OTOGL: variants seen among roughly 807,000 people sequenced by gnomAD.
OTOGL encodes otogelin-like protein.
In OTOGL, 285 loss-of-function variants were observed where a neutral mutation model predicts 318.5. That is an observed-to-expected ratio of 0.89 (90% CI 0.81 to 0.99). The LOEUF (loss-of-function observed/expected upper bound fraction) is 0.99, where lower values mean the gene tolerates loss of function less well. Ranked by LOEUF, OTOGL falls within the 50% of genes least tolerant of loss-of-function variation. OTOGL has a pLI of 0.00. For synonymous variants in OTOGL, 987 were observed against 936.5 expected, an observed-to-expected ratio of 1.05 and a Z score of -0.99; for missense variants, 2,899 against 2,845.6, an observed-to-expected ratio of 1.02 and a Z score of -0.43.
intron 38 of OTOGL, among the ~76,000 whole-genome samples, 160 bp from the exon 39 acceptor site, chr12:80,335,803 A>G (rs1888354450): frequency 6.6e-6 from 1 of 152,198 alleles, no homozygotes; most frequent in Non-Finnish European, 1.5e-5. Context: ...TAGAAAGGGT[A>G]CATCAATAAA....
intron 22 of OTOGL, among the ~76,000 whole-genome samples, chr12:80,267,725 A>G (rs947121598): frequency 2.6e-5 from 4 of 151,478 alleles, no homozygotes; most frequent in Non-Finnish European, 5.9e-5. Flanking sequence ...AAAGATAACA[A>G]TGTAATCTTT....
intron 38 of OTOGL, 23 bp from the exon 39 acceptor site, chr12:80,335,940 C>T (rs1321905017): frequency 1.3e-6 from 2 of 1,486,288 alleles, no homozygotes; most frequent in Non-Finnish European, 1.8e-6. Flanking sequence ...TGAAAAAACC[C>T]ACTAATCTTT....
intron 17 of OTOGL, among the ~76,000 whole-genome samples, chr12:80,257,168 C>T (rs1882126534): frequency 6.6e-6 from 1 of 152,092 alleles, no homozygotes. Flanking sequence ...TCACGCTACA[C>T]AGGTGTCAGG....
At chr12:80,128,100 G>T (rs189578762) in intron 1 of OTOGL, among the ~76,000 whole-genome samples, 1 of 152,290 alleles carries the variant, frequency 6.6e-6, no homozygotes, top group Non-Finnish European at 1.5e-5. Context: ...TGTTCCTTTG[G>T]AGGAGGAGAG....
At position 80,266,486 on chromosome 12, in the gene OTOGL, T is replaced by C. The variant is rs909599929; in HGVS notation, c.2260T>C (p.Cys754Arg). 42 of 1,613,574 alleles carry C rather than the reference T, an allele frequency of 2.6e-5. No homozygotes were observed. The highest frequency in any genetic ancestry group is 3.4e-5 in the Non-Finnish European group (40 of 1,179,774). Reference protein sequence around the residue: ...VCQKGMLYHHCSSFCLHSCIS... With the variant: ...VCQKGMLYHHRSSFCLHSCIS... Reference sequence around the variant, plus strand: ...CCAGAAGGGCATGCTGTACCATCACTGTTCCTCGTTCTGCCTCCATTCCTG... The same window carrying C: ...CCAGAAGGGCATGCTGTACCATCACCGTTCCTCGTTCTGCCTCCATTCCTG... Residue 754 changes from cysteine to arginine, a missense_variant, in exon 21 of 59, where the codon TGT becomes CGT. Coordinates refer to ENST00000547103, the MANE Select transcript of OTOGL (RefSeq NM_001378609.3).
At chr12:80,368,428 C>T (rs991435479) in intron 55 of OTOGL, 119 bp downstream of exon 55, 2 of 542,400 alleles carry the variant, frequency 3.7e-6, no homozygotes, top group Non-Finnish European at 6.5e-6. Flanking sequence ...CACAGTACAC[C>T]TACAGCACAC....
chr12:80,180,673 G>C (rs1188984977), intron 1 of OTOGL, among the ~76,000 whole-genome samples: 1 of 152,120 alleles, frequency 6.6e-6, no homozygotes, highest in Non-Finnish European at 1.5e-5. Flanking sequence ...GACCTAAAAG[G>C]TGTTCAGCTT....
chr12:80,153,320 A>C (rs989621674), intron 1 of OTOGL, among the ~76,000 whole-genome samples: 1 of 152,144 alleles, frequency 6.6e-6, no homozygotes, highest in Non-Finnish European at 1.5e-5. Flanking sequence ...CTCTTTTATA[A>C]GGGCATTAAT....
At chr12:80,335,616 A>C (rs1355398551) in intron 38 of OTOGL, among the ~76,000 whole-genome samples, 1 of 152,096 alleles carries the variant, frequency 6.6e-6, no homozygotes, top group Non-Finnish European at 1.5e-5. Context: ...AGTTATATTG[A>C]TATACTAGCT....
intron 40 of OTOGL, 100 bp from the exon 41 acceptor site, chr12:80,336,697 G>C: frequency 1.4e-6 from 2 of 1,405,574 alleles, no homozygotes; most frequent in Non-Finnish European, 1.9e-6. Flanking sequence ...AAACATTTCT[G>C]AAAACCTTTC....
In OTOGL at chr12:80,203,341, T is replaced by C. The variant is rs191294803; in HGVS notation, c.-19-6072T>C. On this transcript the variant is annotated intron_variant, in intron 1 of 58. Coordinates refer to ENST00000547103, the MANE Select transcript of OTOGL (RefSeq NM_001378609.3). ...TTTCCATCTTCAAATTTTTTTTTTT[T>C]CACTTATAAGGACCCTTTATCTGGC... Among the ~76,000 whole-genome samples the C allele has an allele frequency of 3.2e-3, 484 of 152,220 alleles. 3 individuals are homozygous for C. The highest frequency in any genetic ancestry group is 0.011 in the African/African-American group (454 of 41,558).
At chr12:80,334,988 A>G (rs1249386688) in intron 38 of OTOGL, among the ~76,000 whole-genome samples, 3 of 152,168 alleles carry the variant, frequency 2.0e-5, no homozygotes, top group Non-Finnish European at 1.5e-5. Flanking sequence ...GAGTCTTACT[A>G]TTTAGAAAAT....
At position 80,217,614 on chromosome 12, in the gene OTOGL, C is replaced by T. The variant is rs551455568; in HGVS notation, c.185C>T (p.Pro62Leu). 3.0e-5 allele frequency: 46 copies of T among 1,548,348 alleles called. No individual in the cohort carries two copies. The highest frequency in any genetic ancestry group is 2.5e-4 in the South Asian group (22 of 86,280). Residue 62 changes from proline (P) to leucine (L), a missense_variant, in exon 5 of 59, where the codon CCG (proline) becomes CTG (leucine). By Grantham distance (98) the Pro-to-Leu change is moderately conservative (BLOSUM62 -3). Transcript: ENST00000547103. ...LLAAQFEATS[P>L]RYFFHDAINW... Reference sequence around the variant, plus strand: ...CTTTCAAAGTTTGAAGCTACTTCTCCGAGATACTTTTTCCATGATGCTATT... The same window carrying T: ...CTTTCAAAGTTTGAAGCTACTTCTCTGAGATACTTTTTCCATGATGCTATT...
At chr12:80,251,926 C>A in intron 12 of OTOGL, 127 bp downstream of exon 12, 1 of 1,181,050 alleles carries the variant, frequency 8.5e-7, no homozygotes, top group Non-Finnish European at 1.1e-6. Flanking sequence ...TATCCATGAA[C>A]TTGCATACTT....
At chr12:80,363,005 C>T (rs1205835089) in intron 52 of OTOGL, among the ~76,000 whole-genome samples, 1 of 152,034 alleles carries the variant, frequency 6.6e-6, no homozygotes, top group South Asian at 2.1e-4. Context: ...GTTGCTTAGA[C>T]TGAAATGCAG....
At chr12:80,317,118 T>G (rs952808561) in intron 32 of OTOGL, among the ~76,000 whole-genome samples, 2 of 152,198 alleles carry the variant, frequency 1.3e-5, no homozygotes, top group East Asian at 1.9e-4. Flanking sequence ...AAGCTTGCAT[T>G]TGAAATGCTA....
chr12:80,130,833 T>A (rs1871193738), intron 1 of OTOGL, among the ~76,000 whole-genome samples: 1 of 152,252 alleles, frequency 6.6e-6, no homozygotes, highest in African/African-American at 2.4e-5. Context: ...CTGCCATATT[T>A]CCTATCATGC....
chr12:80,195,747 C>T (rs1376090973), intron 1 of OTOGL, among the ~76,000 whole-genome samples: 3 of 152,182 alleles, frequency 2.0e-5, no homozygotes, highest in Admixed American at 1.3e-4. Flanking sequence ...CTCCTGAATG[C>T]CCATTATTAA....
chr12:80,377,670 C>G (rs1891242044), intron 58 of OTOGL, among the ~76,000 whole-genome samples, 178 bp from the exon 59 acceptor site: 1 of 152,008 alleles, frequency 6.6e-6, no homozygotes, highest in Admixed American at 6.6e-5. Flanking sequence ...TGAAACGTCC[C>G]TTTGACTTAT....
Sources: allele counts gnomAD v4.1 joint callset (sites outside exome capture counted in the v4.1 genomes callset), GRCh38; gene constraint gnomAD v4.1.1; transcripts MANE v1.5; gene names NCBI Gene and HGNC (gene_info 2026-07-23, HGNC 2026-07-21).